Variants in ELF1 observed in about 807,000 individuals in gnomAD.
The protein encoded by ELF1 is ETS-related transcription factor Elf-1.
In ELF1, 24 loss-of-function variants were observed where a neutral mutation model predicts 59.9. The observed-to-expected ratio is 0.40, with a 90% CI of 0.29 to 0.56. The LOEUF is 0.56. Ranked by LOEUF, ELF1 falls within the 20% of genes least tolerant of loss-of-function variation. The probability of loss-of-function intolerance (pLI) is 0.44; values close to 1 mark genes in which losing one functional copy is unlikely to be tolerated. For missense variants in ELF1, 627 were observed against 742.2 expected (o/e 0.84, Z 1.80); for synonymous variants, 248 against 266.2 (o/e 0.93, Z 0.67).
intron 2 of ELF1, among the ~76,000 whole-genome samples, chr13:40,966,222 G>A (rs1165925592): frequency 6.6e-6 from 1 of 152,290 alleles, no homozygotes; most frequent in East Asian, 1.9e-4. Context: ...AAAGATCAGG[G>A]TTTCCAAAGC....
rs542788925 is a variant in ELF1, at chr13:41,037,700, G to A, written c.-229+23138C>T. ...AGTCCCAGCTACTAGGGAGGCTGAG[G>A]CAGGAGAATTGCTGGAACCTGGGAG... On this transcript the variant is annotated intron_variant, in intron 1 of 1. Transcript: ENST00000405737. 9.9e-5 allele frequency among the ~76,000 whole-genome samples: 15 copies of A among 152,078 alleles called. No homozygotes were observed. In the South Asian group the frequency reaches 3.1e-3, roughly 32 times the overall value.
At chr13:41,013,708 T>C (rs1875203375) in intron 1 of ELF1, among the ~76,000 whole-genome samples, 2 of 152,134 alleles carry the variant, frequency 1.3e-5, no homozygotes. Context: ...TGTAACACTT[T>C]ATAATTTTAT....
chr13:41,060,652 G>A (rs1180076579), intron 1 of ELF1, among the ~76,000 whole-genome samples: 2 of 152,258 alleles, frequency 1.3e-5, no homozygotes, highest in East Asian at 3.9e-4. Flanking sequence ...CACCCAGACG[G>A]GGACAAGAAA....
At chr13:40,960,535 A>G (rs1273987681) in intron 2 of ELF1, among the ~76,000 whole-genome samples, 1 of 152,214 alleles carries the variant, frequency 6.6e-6, no homozygotes, top group East Asian at 1.9e-4. Context: ...TCTTTCAAAT[A>G]TATCATGTCA....
intron 3 of ELF1, among the ~76,000 whole-genome samples, chr13:40,955,005 G>A (rs1368697228): frequency 1.4e-4 from 21 of 150,046 alleles, no homozygotes; most frequent in Non-Finnish European, 2.8e-4. Context: ...GAAGTGAGGA[G>A]CGTCTCTGCC....
chr13:40,984,121 T>C (rs925574989), intron 1 of ELF1, among the ~76,000 whole-genome samples: 3 of 152,198 alleles, frequency 2.0e-5, no homozygotes, highest in Admixed American at 6.5e-5. Flanking sequence ...TACCAATTAT[T>C]TGCAAGGCAA....
In ELF1 at chr13:40,941,233, A is replaced by G; in HGVS notation, c.944T>C (p.Leu315Pro). 1 of 1,614,210 alleles carries G rather than the reference A, an allele frequency of 6.2e-7. No homozygotes were observed. The highest frequency in any genetic ancestry group is 1.1e-5 in the South Asian group (1 of 91,088). Residue 315 changes from leucine to proline, a missense_variant, in exon 8 of 9, where the codon CTA becomes CCA. Leu to Pro is a moderately conservative substitution (Grantham distance 98, BLOSUM62 -3). This residue lies in a region of ELF1 where 361 missense variants were observed against 396.1 expected (regional missense o/e 0.91). Transcript: ENST00000239882. The stretch of plus-strand genomic sequence containing the variant: ...CCTATTTGAAGTGGCTGATGAAGAT[A>G]GCGATGGATCTGAAGACTCTATGCT... ...SSSIESSDPS[L>P]SSSATSNRNQ...
chr13:40,977,820 A>G (rs1873006462), intron 2 of ELF1, among the ~76,000 whole-genome samples: 1 of 152,234 alleles, frequency 6.6e-6, no homozygotes, highest in African/African-American at 2.4e-5. Flanking sequence ...TTCTAATGAA[A>G]ACAATGTGAT....
intron 5 of ELF1, among the ~76,000 whole-genome samples, chr13:40,949,381 A>G (rs1172168352): frequency 6.6e-6 from 1 of 151,904 alleles, no homozygotes; most frequent in Non-Finnish European, 1.5e-5. Context: ...TCTTAGAGAT[A>G]GGGTCTCAGT....
In ELF1 at chr13:41,051,219, GA is replaced by G. The variant is rs896926137; in HGVS notation, c.-229+9618del. On this transcript the variant is annotated intron_variant, in intron 1 of 1. Transcript: ENST00000405737. ...ATGTGAAATGGCATAAAAACAAAGG[GA>G]AAAAAAAACAAATGAAAGGCATTCC... Among the ~76,000 whole-genome samples, 829 of 149,602 alleles carry G rather than the reference GA, an allele frequency of 5.5e-3. 19 individuals carry two copies. Among genetic ancestry groups the G allele is most frequent in the East Asian group, 7.7e-3 (39 of 5,076 alleles).
In ELF1 at chr13:40,943,911, G is replaced by T; in HGVS notation, c.544C>A (p.Pro182Thr). 5 of 1,613,520 alleles carry T rather than the reference G, an allele frequency of 3.1e-6. No individual in the cohort carries two copies. Among genetic ancestry groups the T allele is most frequent in the Non-Finnish European group, 3.4e-6 (4 of 1,179,710 alleles). Residue 182 changes from proline (P) to threonine (T), a missense_variant, in exon 6 of 9, where the codon CCA (proline) becomes ACA (threonine). Around this residue, in one of 3 missense-constraint regions of ELF1, gnomAD observed 232 missense variants for 269.2 expected, o/e 0.86. Transcript: ENST00000239882. ...PKRKKGRKTK[P>T]PRPDSPATTP... ...GTGGCTGGGGAATCTGGTCGTGGTG[G>T]TTTAGTTTTTCTTCCTGAAATAAAA...
chr13:40,934,281 C>T (rs1462371853), intron 8 of ELF1, among the ~76,000 whole-genome samples: 1 of 152,110 alleles, frequency 6.6e-6, no homozygotes, highest in African/African-American at 2.4e-5. Context: ...AAGGTCTGTA[C>T]ATAGGGCCAC....
chr13:40,955,703 C>T (rs1271057258), intron 3 of ELF1, among the ~76,000 whole-genome samples: 4 of 131,140 alleles, frequency 3.1e-5, no homozygotes, highest in South Asian at 2.5e-4. Context: ...CCTGGCCAGC[C>T]GCCCCATCCG....
At chr13:41,052,709 C>T (rs919322324) in intron 1 of ELF1, among the ~76,000 whole-genome samples, 5 of 152,018 alleles carry the variant, frequency 3.3e-5, no homozygotes, top group South Asian at 2.1e-4. Flanking sequence ...GAGAGACTCC[C>T]TGTCTCAATA....
At position 40,940,955 on chromosome 13, in the gene ELF1, C is replaced by A. The variant is rs569468307; in HGVS notation, c.1222G>T (p.Asp408Tyr). 1.1e-5 allele frequency: 17 copies of A among 1,613,842 alleles called. No individual in the cohort carries two copies. The Admixed American group carries it at 2.5e-4, about 24-fold the overall frequency. Residue 408 changes from aspartate to tyrosine, a missense_variant, in exon 8 of 9, where the codon GAT (aspartate) becomes TAT (tyrosine). By Grantham distance (160) the Asp-to-Tyr change is radical. Coordinates refer to ENST00000239882, the MANE Select transcript of ELF1 (RefSeq NM_172373.4). ...TGAACGGAAGAATTTAATGTTTCAT[C>A]CTGCATGGTACTGGTTCTAGCTGCT... The part of the protein sequence containing the change: ...GEAARTSTMQ[D>Y]ETLNSSVQSI...
chr13:40,961,208 A>G (rs2099595585), intron 2 of ELF1, among the ~76,000 whole-genome samples: 1 of 152,250 alleles, frequency 6.6e-6, no homozygotes, highest in African/African-American at 2.4e-5. Context: ...TGCTAAACAG[A>G]TAATATCCTT....
intron 1 of ELF1, among the ~76,000 whole-genome samples, chr13:41,016,316 C>G (rs531018642): frequency 1.3e-5 from 2 of 152,060 alleles, no homozygotes; most frequent in Non-Finnish European, 2.9e-5. Flanking sequence ...TATGCATAAA[C>G]CATTAAAAAT....
intron 2 of ELF1, among the ~76,000 whole-genome samples, chr13:40,972,147 T>C (rs919232490): frequency 4.6e-5 from 7 of 152,188 alleles, no homozygotes; most frequent in Admixed American, 6.5e-5. Context: ...ACAAGAATCT[T>C]ATACAATATG....
chr13:41,044,956 T>C (rs1429192497), intron 1 of ELF1, among the ~76,000 whole-genome samples: 7 of 152,174 alleles, frequency 4.6e-5, no homozygotes, highest in Non-Finnish European at 1.0e-4. Context: ...CTATTAATTA[T>C]TTCCTCAATT....
Sources: gnomAD v4.1 joint callset for allele counts (sites outside exome capture counted in the v4.1 genomes callset) on GRCh38, gnomAD v4.1.1 for gene constraint, gnomAD v4.1.1 regional missense constraint, MANE v1.5 for transcripts, NCBI Gene and HGNC (gene_info 2026-07-23, HGNC 2026-07-21) for gene names.